Variants in KMT2A observed in about 807,000 individuals in gnomAD.
The protein encoded by KMT2A is histone-lysine N-methyltransferase 2A.
KMT2A carries 16 observed loss-of-function variants against 345.3 expected under a neutral mutation model. The observed-to-expected ratio is 0.05, with a 90% CI of 0.03 to 0.07. The LOEUF (loss-of-function observed/expected upper bound fraction) is 0.07, where lower values mean the gene tolerates loss of function less well. Ranked by LOEUF, KMT2A falls within the 10% of genes least tolerant of loss-of-function variation. The probability of loss-of-function intolerance (pLI) is 1.00; values close to 1 mark genes in which losing one functional copy is unlikely to be tolerated. For synonymous variants in KMT2A, 1,599 were observed against 1,778.6 expected, an observed-to-expected ratio of 0.90 and a Z score of 2.54; for missense variants, 3,272 against 4,841.6, an observed-to-expected ratio of 0.68 and a Z score of 9.62.
In KMT2A at chr11:118,507,687, G is replaced by A. The variant is rs547233290; in HGVS notation, c.10835+78G>A. ...ATTTAAAAAATAGTTCTTCCAGGCCGGGCGCAGTGGCTCACGCCTGTAATC... is the reference window on the plus strand; with the variant it reads ...ATTTAAAAAATAGTTCTTCCAGGCCAGGCGCAGTGGCTCACGCCTGTAATC... On this transcript the variant is annotated intron_variant, in intron 28 of 35. Coordinates refer to ENST00000534358, the MANE Select transcript of KMT2A (RefSeq NM_001197104.2). The A allele has an allele frequency of 1.3e-5, 16 of 1,196,116 alleles. No homozygotes were observed. In the East Asian group the frequency reaches 2.9e-4, roughly 21 times the overall value. The allele number at this position is 1,196,116 out of a possible 1,614,324, so 74.1% of individuals were successfully genotyped here. A position where few individuals can be genotyped will look rare whatever the true frequency, so the allele number is the denominator to read the frequency against.
At chr11:118,446,397 A>G (rs1397337048) in intron 1 of KMT2A, among the ~76,000 whole-genome samples, 2 of 152,216 alleles carry the variant, frequency 1.3e-5, no homozygotes, top group South Asian at 4.1e-4. Flanking sequence ...CATACTCAGT[A>G]CACCATCAGA....
In KMT2A at chr11:118,525,616, A is replaced by T. The variant is rs1064939; in HGVS notation, c.*3444A>T. ...ATTTAAAAAAAATAAAAAATAAAAA[A>T]AAAAGGAAAAAAAAATACAACACAC... On this transcript the variant is annotated 3_prime_UTR_variant, in exon 36 of 36. Coordinates refer to ENST00000534358, the MANE Select transcript of KMT2A (RefSeq NM_001197104.2). The T allele has an allele frequency of 0.014, 3,201 of 227,766 alleles. 33 individuals carry two copies. Among genetic ancestry groups the T allele is most frequent in the Non-Finnish European group, 0.02 (2,347 of 114,740 alleles). 14.1% of individuals were successfully genotyped at this position (227,766 alleles called of 1,614,324 possible). A position where few individuals can be genotyped will look rare whatever the true frequency, so the allele number is the denominator to read the frequency against.
In KMT2A at chr11:118,519,805, C is replaced by G. The variant is rs374476166; in HGVS notation, c.11321+13C>G. ...AAGTCCACCTCAGGCAAGTTCCCTT[C>G]TTTTCTGTCAGCAGTTTTGGGTCTC... On this transcript the variant is annotated intron_variant, in intron 32 of 35. Coordinates refer to ENST00000534358, the MANE Select transcript of KMT2A (RefSeq NM_001197104.2). The G allele has an allele frequency of 6.2e-7, 1 of 1,606,692 alleles. No homozygotes were observed. The highest frequency in any genetic ancestry group is 1.3e-5 in the African/African-American group (1 of 74,762).
Position 118,478,068 on chromosome 11 carries a change from G to T in KMT2A, c.3436G>T (p.Val1146Leu). 1 of 1,614,150 alleles carries T rather than the reference G, an allele frequency of 6.2e-7. No individual in the cohort carries two copies. The highest frequency in any genetic ancestry group is 8.5e-7 in the Non-Finnish European group (1 of 1,180,026). Residue 1146 changes from valine to leucine, a missense_variant, in exon 5 of 36, where the codon GTA becomes TTA. Physicochemically the swap from Val to Leu is conservative, Grantham distance 32. Coordinates refer to ENST00000534358, the MANE Select transcript of KMT2A (RefSeq NM_001197104.2). ...TRNKAPQEPP[V>L]KKGRRSRRCG... is the part of the protein sequence containing the mutation. ...AAACAAGGCACCCCAGGAACCTCCA[G>T]TAAAGAAAGGACGTCGATCGAGGCG...
rs2134310804 is a variant in KMT2A at position 118,484,110 on chromosome 11, C to A, written c.4087-73C>A. ...ATCTATTAATAAAATTTGTCATTTGCATTATTATCTGTTGCAAATGTGAAG... is the reference window on the plus strand; with the variant it reads ...ATCTATTAATAAAATTTGTCATTTGAATTATTATCTGTTGCAAATGTGAAG... On this transcript the variant is annotated intron_variant, in intron 8 of 35. Transcript: ENST00000534358. The surrounding 1 kb of genome is among the most constrained non-coding windows in gnomAD (Gnocchi z 4.1). 7.2e-7 allele frequency: 1 copy of A among 1,382,882 alleles called. No homozygotes were observed. The highest frequency in any genetic ancestry group is 1.0e-6 in the Non-Finnish European group (1 of 997,168). 85.7% of individuals were successfully genotyped at this position (1,382,882 alleles called of 1,614,324 possible).
rs1950190652 is a variant in KMT2A at position 118,484,180 on chromosome 11, T to C, written c.4087-3T>C. On this transcript the variant is annotated splice_polypyrimidine_tract_variant and splice_region_variant and intron_variant, in intron 8 of 35. Transcript: ENST00000534358. The surrounding 1 kb of genome is among the most constrained non-coding windows in gnomAD (Gnocchi z 4.1). ...GTTCTATATTCATCTTTTGTCTCCT[T>C]AGGAAAAACCACCTCCGGTCAATAA... is the stretch of plus-strand genomic sequence containing the variant. 6.2e-7 allele frequency: 1 copy of C among 1,614,068 alleles called. No homozygotes were observed. Among genetic ancestry groups the C allele is most frequent in the Non-Finnish European group, 8.5e-7 (1 of 1,180,004 alleles).
rs1481503064 is a variant in KMT2A, at chr11:118,523,115, T to G, written c.*943T>G. The G allele has an allele frequency of 1.3e-5, 3 of 224,902 alleles. No individual in the cohort carries two copies. The highest frequency in any genetic ancestry group is 6.7e-5 in the African/African-American group (3 of 44,874). 13.9% of individuals were successfully genotyped at this position (224,902 alleles called of 1,614,324 possible). A position where few individuals can be genotyped will look rare whatever the true frequency, so the allele number is the denominator to read the frequency against. On this transcript the variant is annotated 3_prime_UTR_variant, in exon 36 of 36. Coordinates refer to ENST00000534358, the MANE Select transcript of KMT2A (RefSeq NM_001197104.2). The stretch of plus-strand genomic sequence containing the variant: ...TTTCATAAAGCTCCATGGAGAGTTT[T>G]AAAGAAACATATGTAGCATGATTTT...
chr11:118,452,805 T>C (rs1949566661), intron 1 of KMT2A, among the ~76,000 whole-genome samples: 1 of 152,088 alleles, frequency 6.6e-6, no homozygotes, highest in Non-Finnish European at 1.5e-5. Flanking sequence ...TGCTAATTTT[T>C]GTATTTTTAG....
At position 118,494,488 on chromosome 11, in the gene KMT2A, C is replaced by T. The variant is rs1555043387; in HGVS notation, c.5289+90C>T. On this transcript the variant is annotated intron_variant, in intron 17 of 35. Transcript: ENST00000534358. The surrounding 1 kb of genome is among the most constrained non-coding windows in gnomAD (Gnocchi z 5.8). ...TGAACTTGTTCTCTTCTACTTTTTG[C>T]TTTGTGGTGTGTATAAAACATCTTT... The T allele has an allele frequency of 1.0e-5, 9 of 876,280 alleles. No homozygotes were observed. Among genetic ancestry groups the T allele is most frequent in the African/African-American group, 1.7e-5 (1 of 58,982 alleles). 54.3% of individuals were successfully genotyped at this position (876,280 alleles called of 1,614,324 possible).
At chr11:118,515,682 C>T (rs1181338080) in intron 31 of KMT2A, among the ~76,000 whole-genome samples, 9 of 97,478 alleles carry the variant, frequency 9.2e-5, no homozygotes, top group Admixed American at 1.4e-4. Context: ...TTTTTCTGTC[C>T]TTTTTTTTTT....
At position 118,478,012 on chromosome 11, in the gene KMT2A, C is replaced by T. The variant is rs2134286553; in HGVS notation, c.3380C>T (p.Pro1127Leu). Reference protein sequence around the residue: ...AGSEDAEPLAPPIKPIKPVTR... With the variant: ...AGSEDAEPLALPIKPIKPVTR... ...TCAGAAGATGCTGAACCTCTTGCTC[C>T]ACCCATCAAACCAATTAAACCTGTC... The change falls in exon 5 of 36, where the codon CCA becomes CTA. Residue 1127 changes from proline to leucine, a missense_variant. Coordinates refer to ENST00000534358, the MANE Select transcript of KMT2A (RefSeq NM_001197104.2). The T allele has an allele frequency of 1.2e-6, 2 of 1,614,084 alleles. No homozygotes were observed. Among genetic ancestry groups the T allele is most frequent in the Non-Finnish European group, 1.7e-6 (2 of 1,180,022 alleles).
At chr11:118,517,223 G>A (rs1263233090) in intron 31 of KMT2A, among the ~76,000 whole-genome samples, 2 of 151,562 alleles carry the variant, frequency 1.3e-5, no homozygotes, top group African/African-American at 2.4e-5. Context: ...GTGAAACCCC[G>A]TCTCTACTAA....
At chr11:118,507,486 A>G in intron 27 of KMT2A, 43 bp from the exon 28 acceptor site, 1 of 1,539,270 alleles carries the variant, frequency 6.5e-7, no homozygotes, top group South Asian at 1.1e-5. Flanking sequence ...GTACATATTT[A>G]CTGGTGGTTT....
rs1555049620 is a variant in KMT2A at position 118,509,925 on chromosome 11, ACTAT to A, written c.10901-18_10901-15del. ...TCAGTGAGCATTTGTTACTGCAACC[ACTAT>A]CTATTTTCTCCCTATTAGAACCTAA... On this transcript the variant is annotated intron_variant, in intron 29 of 35. Coordinates refer to ENST00000534358, the MANE Select transcript of KMT2A (RefSeq NM_001197104.2). 1.3e-5 allele frequency: 21 copies of A among 1,566,632 alleles called. No homozygotes were observed. Among genetic ancestry groups the A allele is most frequent in the East Asian group, 2.3e-5 (1 of 44,224 alleles).
At position 118,520,972 on chromosome 11, in the gene KMT2A, C is replaced by T. The variant is rs1950954367; in HGVS notation, c.11513+87C>T. ...GACCAAATGCTGGAGTGACCTTCCT[C>T]ACTCAGTAAGTGAGGATTTTACGGA... On this transcript the variant is annotated intron_variant, in intron 34 of 35. Transcript: ENST00000534358. The surrounding 1 kb of genome is among the most constrained non-coding windows in gnomAD (Gnocchi z 4.3). 1 of 990,514 alleles carries T rather than the reference C, an allele frequency of 1.0e-6. No individual in the cohort carries two copies. Among genetic ancestry groups the T allele is most frequent in the Non-Finnish European group, 1.6e-6 (1 of 621,370 alleles). The allele number at this position is 990,514 out of a possible 1,614,324, so 61.4% of individuals were successfully genotyped here. A position where few individuals can be genotyped will look rare whatever the true frequency, so the allele number is the denominator to read the frequency against.
At position 118,502,704 on chromosome 11, in the gene KMT2A, G is replaced by A. The variant is rs1950519239; in HGVS notation, c.6812G>A (p.Arg2271Lys). 2 of 1,614,134 alleles carry A rather than the reference G, an allele frequency of 1.2e-6. No individual in the cohort carries two copies. The highest frequency in any genetic ancestry group is 2.2e-5 in the East Asian group (1 of 44,888). The change falls in exon 27 of 36, where the codon AGG (arginine) becomes AAG (lysine). Residue 2271 changes from arginine to lysine, a missense_variant. By Grantham distance (26) the Arg-to-Lys change is conservative. Transcript: ENST00000534358. The surrounding 1 kb of genome is among the most constrained non-coding windows in gnomAD (Gnocchi z 4.9). ...ACTTCCACCTCTTCAAATTTGCAAAGGACAGTGGTTACTGTAGGCAATAAA... is the reference window on the plus strand; with the variant it reads ...ACTTCCACCTCTTCAAATTTGCAAAAGACAGTGGTTACTGTAGGCAATAAA... ...QNTSTSSNLQ[R>K]TVVTVGNKNS...
chr11:118,518,736 C>T (rs1386041465), intron 31 of KMT2A, among the ~76,000 whole-genome samples: 2 of 139,354 alleles, frequency 1.4e-5, no homozygotes, highest in Admixed American at 1.6e-4. Context: ...GAGCTGAGAT[C>T]GGACCACTGC....
At position 118,520,683 on chromosome 11, in the gene KMT2A, C is replaced by A; in HGVS notation, c.11430-119C>A. On this transcript the variant is annotated intron_variant, in intron 33 of 35. Transcript: ENST00000534358. This position sits in a 1 kb window ranked among gnomAD's most constrained non-coding sequence, Gnocchi z 4.3. ...AAAGGGGGGCGCTCATTTTATAAGG[C>A]ACTCGTTCAGTTTGGCATTAAACAA... The A allele has an allele frequency of 1.4e-6, 1 of 709,560 alleles. No homozygotes were observed. The highest frequency in any genetic ancestry group is 1.8e-5 in the South Asian group (1 of 55,956). The allele number at this position is 709,560 out of a possible 1,614,324, so 44.0% of individuals were successfully genotyped here.
rs377289398 is a variant in KMT2A, at chr11:118,504,316, G to C, written c.8424G>C (p.Glu2808Asp). ...DSLEAQLSSL[E>D]SSRRVHTSTP... Reference sequence around the variant, plus strand: ...TGGAAGCTCAGCTCAGCTCATTGGAGTCAAGCCGCAGAGTCCACACAAGTA... The same window carrying C: ...TGGAAGCTCAGCTCAGCTCATTGGACTCAAGCCGCAGAGTCCACACAAGTA... The change falls in exon 27 of 36, where the codon GAG becomes GAC. Residue 2808 changes from glutamate to aspartate, a missense_variant. Physicochemically the swap from Glu to Asp is conservative, Grantham distance 45 (BLOSUM62 2). Coordinates refer to ENST00000534358, the MANE Select transcript of KMT2A (RefSeq NM_001197104.2). The surrounding 1 kb of genome is among the most constrained non-coding windows in gnomAD (Gnocchi z 6.4). The C allele has an allele frequency of 3.7e-6, 6 of 1,614,054 alleles. No homozygotes were observed. In the African/African-American group the frequency reaches 8.0e-5, roughly 22 times the overall value.
Sources: gnomAD v4.1 joint callset for allele counts (sites outside exome capture counted in the v4.1 genomes callset) on GRCh38, gnomAD v4.1.1 for gene constraint, Gnocchi (gnomAD v3.1) non-coding constraint, MANE v1.5 for transcripts, NCBI Gene and HGNC (gene_info 2026-07-23, HGNC 2026-07-21) for gene names.